GLUL: variants seen among roughly 807,000 people sequenced by gnomAD.
GLUL encodes the protein glutamate-ammonia ligase.
Under a neutral mutation model 36.9 loss-of-function variants are expected in GLUL, and 8 were observed. The ratio of observed to expected loss-of-function variants is 0.22; its 90% CI spans 0.13 to 0.39. The LOEUF (loss-of-function observed/expected upper bound fraction) is 0.39, where lower values mean the gene tolerates loss of function less well. GLUL is among the 10% of genes least tolerant of loss of function. The pLI is 1.00. For missense variants in GLUL, 315 were observed against 501.8 expected (o/e 0.63, Z 3.56); for synonymous variants, 182 against 172.8 (o/e 1.05, Z -0.42).
chr1:182,387,967 TATG>T (rs1473222055), intron 2 of GLUL, among the ~76,000 whole-genome samples: 1 of 152,240 alleles, frequency 6.6e-6, no homozygotes, highest in Non-Finnish European at 1.5e-5. Flanking sequence ...CTAGGTAGGA[TATG>T]ATACTTTCCT....
chr1:182,384,961 C>T, intron 6 of GLUL: 1 of 564,098 alleles, frequency 1.8e-6, no homozygotes, highest in Non-Finnish European at 3.2e-6. Flanking sequence ...AGCTTATCCA[C>T]ATGCCTGTAT....
rs1649981106 is a variant in GLUL at position 182,382,547 on chromosome 1, G to A, written c.*1858C>T. ...GTAAAGCCAGTTAATCTTACATTAT[G>A]TTAGGCTATTGTATTAGGCTAGGAA... is the stretch of plus-strand genomic sequence containing the variant. On this transcript the variant is annotated 3_prime_UTR_variant, in exon 7 of 7. Transcript: ENST00000331872. 6.6e-6 allele frequency: 1 copy of A among 152,144 alleles called. No homozygotes were observed. Among genetic ancestry groups the A allele is most frequent in the African/African-American group, 2.4e-5 (1 of 41,424 alleles). 9.4% of individuals were successfully genotyped at this position (152,144 alleles called of 1,614,324 possible).
At position 182,385,779 on chromosome 1, in the gene GLUL, G is replaced by C. The variant is rs1650151223; in HGVS notation, c.584C>G (p.Ala195Gly). ...ACTTACCTGGGCAGGCATGACCTCGGCATTAGTCCCCGCAATCTTGACTCC... is the reference window on the plus strand; with the variant it reads ...ACTTACCTGGGCAGGCATGACCTCGCCATTAGTCCCCGCAATCTTGACTCC... ...YAGVKIAGTN[A>G]EVMPAQWEFQ... Residue 195 changes from alanine to glycine, a missense_variant, in exon 5 of 7, where the codon GCC (alanine) becomes GGC (glycine). Around this residue, in one of 3 missense-constraint regions of GLUL, gnomAD observed 256 missense variants for 396.1 expected, o/e 0.65. Coordinates refer to ENST00000331872, the MANE Select transcript of GLUL (RefSeq NM_001033044.4). The C allele has an allele frequency of 6.2e-7, 1 of 1,613,990 alleles. No homozygotes were observed. Among genetic ancestry groups the C allele is most frequent in the African/African-American group, 1.3e-5 (1 of 74,894 alleles).
chr1:182,386,425 C>T lies in GLUL; in HGVS notation c.329-23G>A, dbSNP rs1033852498. 12 of 1,565,700 alleles carry T rather than the reference C, an allele frequency of 7.7e-6. 1 individual carries two copies. Among genetic ancestry groups the T allele is most frequent in the Admixed American group, 5.0e-5 (3 of 59,956 alleles). ...TCTCTAGAAAAAAGAGTCAATAATACGCCATCAGGGATCTAAAGACATAGA... is the reference window on the plus strand; with the variant it reads ...TCTCTAGAAAAAAGAGTCAATAATATGCCATCAGGGATCTAAAGACATAGA... On this transcript the variant is annotated intron_variant, in intron 3 of 6. Transcript: ENST00000331872.
rs1421914809 is a variant in GLUL at position 182,379,556 on chromosome 1, TTTG to T, written c.*4846_*4848del. Among the ~76,000 whole-genome samples the T allele has an allele frequency of 1.3e-5, 2 of 151,956 alleles. No homozygotes were observed. The highest frequency in any genetic ancestry group is 2.9e-5 in the Non-Finnish European group (2 of 68,000). On this transcript the variant is annotated 3_prime_UTR_variant, in exon 7 of 7. Coordinates refer to ENST00000331872, the MANE Select transcript of GLUL (RefSeq NM_001033044.4). Reference sequence around the variant, plus strand: ...CAGTTTACATCAGTTATAATTTTTTTTTGTTTTTTTGAGACAGGGTCTCACTTT... The same window carrying T: ...CAGTTTACATCAGTTATAATTTTTTTTTTTTTTGAGACAGGGTCTCACTTT...
intron 3 of GLUL, chr1:182,386,882 C>T: frequency 1.8e-6 from 1 of 565,302 alleles, no homozygotes; most frequent in South Asian, 2.0e-5. Flanking sequence ...TTACTGGGGA[C>T]TCCAAGACCG....
At chr1:182,387,929 T>C (rs1422079377) in intron 2 of GLUL, among the ~76,000 whole-genome samples, 1 of 152,148 alleles carries the variant, frequency 6.6e-6, no homozygotes, top group Non-Finnish European at 1.5e-5. Flanking sequence ...ATTCACTTAC[T>C]CAAAAAGGAA....
In GLUL at chr1:182,382,878, A is replaced by G. The variant is rs1649996444; in HGVS notation, c.*1527T>C. 1 of 152,238 alleles carries G rather than the reference A, an allele frequency of 6.6e-6. No homozygotes were observed. The highest frequency in any genetic ancestry group is 2.4e-5 in the African/African-American group (1 of 41,458). 9.4% of individuals were successfully genotyped at this position (152,238 alleles called of 1,614,324 possible). A position where few individuals can be genotyped will look rare whatever the true frequency, so the allele number is the denominator to read the frequency against. ...GCACATAGGGATTTGAAAGAATCAC[A>G]AACACATCAGAGAGATCTTATGTTA... On this transcript the variant is annotated 3_prime_UTR_variant, in exon 7 of 7. Transcript: ENST00000331872.
Position 182,383,251 on chromosome 1 carries a change from T to A in GLUL, c.*1154A>T, listed in dbSNP as rs1650015348. ...AACAAGCAATTCTGTAAAAATTACC[T>A]AGAAACCCTACAAATTTGATTAAAA... On this transcript the variant is annotated 3_prime_UTR_variant, in exon 7 of 7. Transcript: ENST00000331872. 1 of 152,216 alleles carries A rather than the reference T, an allele frequency of 6.6e-6. No homozygotes were observed. Among genetic ancestry groups the A allele is most frequent in the Non-Finnish European group, 1.5e-5 (1 of 68,044 alleles). 9.4% of individuals were successfully genotyped at this position (152,216 alleles called of 1,614,324 possible). A position where few individuals can be genotyped will look rare whatever the true frequency, so the allele number is the denominator to read the frequency against.
chr1:182,386,306 G>C lies in GLUL; in HGVS notation c.425C>G (p.Thr142Arg). 1 of 1,613,444 alleles carries C rather than the reference G, an allele frequency of 6.2e-7. No individual in the cohort carries two copies. The highest frequency in any genetic ancestry group is 8.5e-7 in the Non-Finnish European group (1 of 1,179,406). Residue 142 changes from threonine (T) to arginine (R), a missense_variant, in exon 4 of 7, where the codon ACA (threonine) becomes AGA (arginine). Physicochemically the swap from Thr to Arg is moderately conservative, Grantham distance 71 (BLOSUM62 -1). Coordinates refer to ENST00000331872, the MANE Select transcript of GLUL (RefSeq NM_001033044.4). ...AGGCCAACCAAAGGGGTGCCCATCT[G>C]TCCCCATGAGGGTATACTCCTGCTC... ...GMEQEYTLMG[T>R]DGHPFGWPSN...
intron 1 of GLUL, 85 bp from the exon 2 acceptor site, chr1:182,388,835 C>G: frequency 1.5e-5 from 16 of 1,038,336 alleles, no homozygotes; most frequent in Non-Finnish European, 2.0e-5. Flanking sequence ...ACGACTGAAT[C>G]AAAAGTCAGA....
At chr1:182,390,793 G>C in intron 1 of GLUL, 1 of 397,630 alleles carries the variant, frequency 2.5e-6, no homozygotes, top group Non-Finnish European at 4.4e-6. Flanking sequence ...ACTTCTCGTT[G>C]TCTTCATAAT....
intron 5 of GLUL, 76 bp from the exon 6 acceptor site, chr1:182,385,632 T>C (rs1357865574): frequency 6.4e-7 from 1 of 1,552,998 alleles, no homozygotes; most frequent in East Asian, 2.2e-5. Context: ...ACCTGTTCTC[T>C]TCTCACCTGT....
chr1:182,387,124 A>C lies in GLUL; in HGVS notation c.328+7T>G, dbSNP rs776266756. On this transcript the variant is annotated splice_region_variant and intron_variant, in intron 3 of 6. Coordinates refer to ENST00000331872, the MANE Select transcript of GLUL (RefSeq NM_001033044.4). ...GGAGGGGTATCCATAGCTGTGCTAT[A>C]ACACACCTGCAGGCCTTCGATTGTA... The C allele has an allele frequency of 2.5e-6, 4 of 1,609,430 alleles. No homozygotes were observed. Among genetic ancestry groups the C allele is most frequent in the Non-Finnish European group, 2.6e-6 (3 of 1,175,952 alleles).
rs748116431 is a variant in GLUL at position 182,387,306 on chromosome 1, A to AG, written c.167-15dup. ...ACTCAGGCAACTCTGGGGCAAAAAG[A>AG]GGGAAAATTACATTTAAAACATACA... On this transcript the variant is annotated splice_polypyrimidine_tract_variant and intron_variant, in intron 2 of 6. Transcript: ENST00000331872. 2 of 1,604,246 alleles carry AG rather than the reference A, an allele frequency of 1.2e-6. No homozygotes were observed. The highest frequency in any genetic ancestry group is 1.1e-5 in the South Asian group (1 of 90,874).
At chr1:182,385,963 T>TA in intron 4 of GLUL, 76 bp from the exon 5 acceptor site, 1 of 1,442,200 alleles carries the variant, frequency 6.9e-7, no homozygotes. Flanking sequence ...AGAAGGCCCT[T>TA]AAGCCTTGCC....
rs1368533140 is a variant in GLUL, at chr1:182,382,587, TTATGG to T, written c.*1813_*1817del. On this transcript the variant is annotated 3_prime_UTR_variant, in exon 7 of 7. Coordinates refer to ENST00000331872, the MANE Select transcript of GLUL (RefSeq NM_001033044.4). ...TAGGCTAGGAATGGTCAAAACAATG[TTATGG>T]TAAGCCAAAACCAAACTCAGGGGAG... 3 of 152,342 alleles carry T rather than the reference TTATGG, an allele frequency of 2.0e-5. No homozygotes were observed. The highest frequency in any genetic ancestry group is 4.4e-5 in the Non-Finnish European group (3 of 68,182). 9.4% of individuals were successfully genotyped at this position (152,342 alleles called of 1,614,324 possible).
chr1:182,381,088 GA>G lies in GLUL; in HGVS notation c.*3316del, dbSNP rs1003316488. Among the ~76,000 whole-genome samples the G allele has an allele frequency of 2.6e-4, 39 of 152,334 alleles. No individual in the cohort carries two copies. Among genetic ancestry groups the G allele is most frequent in the African/African-American group, 9.4e-4 (39 of 41,576 alleles). On this transcript the variant is annotated 3_prime_UTR_variant, in exon 7 of 7. Transcript: ENST00000331872. ...TCAAGACCAGCCTGGCCAACATGGTGAAACCCCATCTGTACTAAAAATACAA... is the reference window on the plus strand; with the variant it reads ...TCAAGACCAGCCTGGCCAACATGGTGAACCCCATCTGTACTAAAAATACAA...
At chr1:182,391,502 C>G (rs1208068523) in intron 1 of GLUL, 177 bp downstream of exon 1, 2 of 334,278 alleles carry the variant, frequency 6.0e-6, no homozygotes, top group African/African-American at 4.2e-5. Context: ...CCACCAGCGG[C>G]GGAAGCACGC....
Sources: gnomAD v4.1 joint callset for allele counts (sites outside exome capture counted in the v4.1 genomes callset) on GRCh38, gnomAD v4.1.1 for gene constraint, gnomAD v4.1.1 regional missense constraint, MANE v1.5 for transcripts, NCBI Gene and HGNC (gene_info 2026-07-23, HGNC 2026-07-21) for gene names.